The following RPS6KC1 variants were observed in gnomAD, a reference collection of about 807,000 sequenced individuals.
RPS6KC1 encodes ribosomal protein S6 kinase C1, also known as inactive ribosomal protein S6 kinase delta-1.
Under a neutral mutation model 103.8 loss-of-function variants are expected in RPS6KC1, and 54 were observed. The observed-to-expected ratio is 0.52, with a 90% CI of 0.42 to 0.65. The LOEUF is 0.65. Among genes scored for constraint, RPS6KC1 ranks in the 30% least tolerant of loss-of-function variants. The pLI, the probability that RPS6KC1 is intolerant of heterozygous loss-of-function variation, is 0.00. For missense variants in RPS6KC1, 1,151 were observed against 1,253.8 expected (o/e 0.92, Z 1.24); for synonymous variants, 439 against 438.7 (o/e 1.00, Z -0.01).
the RPS6KC1 span, among the ~76,000 whole-genome samples, chr1:213,424,740 T>C: frequency 6.6e-6 from 1 of 152,390 alleles, no homozygotes; most frequent in East Asian, 1.9e-4. Context: ...CAATGGTCTT[T>C]TACCAAAATA....
chr1:213,719,458 T>C, the RPS6KC1 span, among the ~76,000 whole-genome samples: 1 of 152,200 alleles, frequency 6.6e-6, no homozygotes, highest in Non-Finnish European at 1.5e-5. Flanking sequence ...GGGTATGTGT[T>C]ACATTGTGAC....
intron 5 of RPS6KC1, among the ~76,000 whole-genome samples, chr1:213,127,608 C>CT (rs111691671): frequency 0.044 from 6,700 of 152,148 alleles, 241 homozygotes; most frequent in African/African-American, 0.095. Flanking sequence ...GTATTTGGCA[C>CT]TTTTTTTCTT....
the RPS6KC1 span, among the ~76,000 whole-genome samples, chr1:213,309,080 A>G: frequency 6.6e-6 from 1 of 152,134 alleles, no homozygotes; most frequent in Non-Finnish European, 1.5e-5. Context: ...TCACGAGGTC[A>G]GGAGTTCGAG....
chr1:213,855,398 A>G, the RPS6KC1 span, among the ~76,000 whole-genome samples: 21 of 152,214 alleles, frequency 1.4e-4, no homozygotes, highest in Admixed American at 1.4e-3. Flanking sequence ...TTCTTTTGCT[A>G]GGCTGACTCT....
At chr1:213,074,003 C>T (rs780494350) in intron 2 of RPS6KC1, among the ~76,000 whole-genome samples, 1 of 152,000 alleles carries the variant, frequency 6.6e-6, no homozygotes, top group Non-Finnish European at 1.5e-5. Flanking sequence ...AGAAATATAT[C>T]GGGAAAGGAA....
chr1:213,378,026 A>G, the RPS6KC1 span, among the ~76,000 whole-genome samples: 79,422 of 152,062 alleles, frequency 0.52, 22,958 homozygotes, highest in East Asian at 0.73. Flanking sequence ...GCCCCTTGAG[A>G]GACCTATTTC....
At chr1:213,053,284 G>T (rs764345448) in intron 1 of RPS6KC1, among the ~76,000 whole-genome samples, 1 of 152,178 alleles carries the variant, frequency 6.6e-6, no homozygotes, top group Non-Finnish European at 1.5e-5. Context: ...TATTAATTTA[G>T]TTGCATGTCT....
At chr1:213,667,684 T>C in the RPS6KC1 span, among the ~76,000 whole-genome samples, 1 of 152,214 alleles carries the variant, frequency 6.6e-6, no homozygotes, top group Non-Finnish European at 1.5e-5. Context: ...GGTTTCTCTG[T>C]GGCATGTGAT....
chr1:213,060,842 A>G (rs1015078063), intron 1 of RPS6KC1, among the ~76,000 whole-genome samples: 1 of 152,188 alleles, frequency 6.6e-6, no homozygotes, highest in Admixed American at 6.5e-5. Context: ...TGGGATTTTA[A>G]TAATCTAGAA....
At chr1:213,469,103 C>T in the RPS6KC1 span, among the ~76,000 whole-genome samples, 1 of 152,086 alleles carries the variant, frequency 6.6e-6, no homozygotes, top group East Asian at 1.9e-4. Flanking sequence ...TGTCTTTGTC[C>T]TTTACTGGAG....
the RPS6KC1 span, among the ~76,000 whole-genome samples, chr1:213,579,239 C>A: frequency 6.6e-6 from 1 of 152,038 alleles, no homozygotes; most frequent in African/African-American, 2.4e-5. Context: ...AACTTTGAAT[C>A]CATTAAACCT....
At chr1:213,236,663 T>C (rs1049219893) in intron 10 of RPS6KC1, among the ~76,000 whole-genome samples, 1 of 152,180 alleles carries the variant, frequency 6.6e-6, no homozygotes, top group African/African-American at 2.4e-5. Flanking sequence ...ATTCATCATA[T>C]GTATGATGAA....
chr1:213,681,195 C>T, the RPS6KC1 span, among the ~76,000 whole-genome samples: 7 of 152,260 alleles, frequency 4.6e-5, no homozygotes, highest in Non-Finnish European at 8.8e-5. Context: ...CTGCTCTGTT[C>T]CCCAGACACC....
the RPS6KC1 span, among the ~76,000 whole-genome samples, chr1:213,559,409 G>A: frequency 6.6e-6 from 1 of 152,196 alleles, no homozygotes; most frequent in African/African-American, 2.4e-5. Flanking sequence ...AAGTATAAGT[G>A]TGACTGCGAG....
At chr1:213,824,542 C>T in the RPS6KC1 span, among the ~76,000 whole-genome samples, 4 of 152,190 alleles carry the variant, frequency 2.6e-5, no homozygotes, top group Non-Finnish European at 5.9e-5. Flanking sequence ...TATGTCCCCA[C>T]CCAAATCTTG....
chr1:213,124,072 G>A (rs2084701677), intron 5 of RPS6KC1, among the ~76,000 whole-genome samples: 1 of 152,142 alleles, frequency 6.6e-6, no homozygotes, highest in South Asian at 2.1e-4. Context: ...GTAGGTAGGT[G>A]AACTGGGATG....
chr1:213,331,755 G>C, the RPS6KC1 span, among the ~76,000 whole-genome samples: 1 of 152,150 alleles, frequency 6.6e-6, no homozygotes, highest in African/African-American at 2.4e-5. Context: ...AAGAGGCCAG[G>C]GTCCTTTTGT....
At chr1:213,815,875 C>T in the RPS6KC1 span, among the ~76,000 whole-genome samples, 2 of 152,222 alleles carry the variant, frequency 1.3e-5, no homozygotes, top group Non-Finnish European at 2.9e-5. Flanking sequence ...ATGCCTTCCT[C>T]ACTAAGCTTA....
At chr1:213,074,883 C>T (rs2079180645) in intron 2 of RPS6KC1, among the ~76,000 whole-genome samples, 2 of 102,612 alleles carry the variant, frequency 1.9e-5, no homozygotes, top group Non-Finnish European at 3.6e-5. Flanking sequence ...TACGGAGTCT[C>T]GCTCTGTCAC....
Sources: allele counts gnomAD v4.1 joint callset (sites outside exome capture counted in the v4.1 genomes callset), GRCh38; gene constraint gnomAD v4.1.1; transcripts MANE v1.5; gene names NCBI Gene and HGNC (gene_info 2026-07-23, HGNC 2026-07-21).